The following HIPK2 variants were observed in gnomAD, a reference collection of about 807,000 sequenced individuals.
HIPK2 encodes the protein homeodomain interacting protein kinase 2, also known as homeodomain-interacting protein kinase 2.
A neutral mutation model predicts 113.7 loss-of-function variants in HIPK2; 27 were observed. That is an observed-to-expected ratio of 0.24 (90% confidence interval 0.17 to 0.33). HIPK2 has a LOEUF of 0.33. Ranked by LOEUF, HIPK2 falls within the 10% of genes least tolerant of loss-of-function variation. HIPK2 has a pLI of 1.00. For missense variants in HIPK2, 1,257 were observed against 1,588.0 expected (o/e 0.79, Z 3.54); for synonymous variants, 631 against 642.2 (o/e 0.98, Z 0.26).
intron 12 of HIPK2, among the ~76,000 whole-genome samples, chr7:139,589,747 C>T (rs886802713): frequency 2.0e-5 from 3 of 152,202 alleles, no homozygotes; most frequent in African/African-American, 4.8e-5. Context: ...ACTGAAGAGA[C>T]TGAAGAATCT....
chr7:139,583,939 T>C lies in HIPK2; in HGVS notation c.2843A>G (p.Asn948Ser), dbSNP rs1798752723. 2 of 1,614,042 alleles carry C rather than the reference T, an allele frequency of 1.2e-6. No homozygotes were observed. The highest frequency in any genetic ancestry group is 1.7e-5 in the Admixed American group (1 of 60,028). ...VQQRAGHNNANAFDTKGSLEN... is the reference protein window; with the variant it reads ...VQQRAGHNNASAFDTKGSLEN... ...CAGGCTCCCCTTGGTGTCAAAGGCA[T>C]TGGCATTGTTGTGCCCAGCACGCTG... is the stretch of plus-strand genomic sequence containing the variant. The change falls in exon 13 of 15, where the codon AAT becomes AGT. Residue 948 changes from asparagine (N) to serine (S), a missense_variant. This residue lies in a region of HIPK2 where 862 missense variants were observed against 1,004.3 expected (regional missense o/e 0.86). Coordinates refer to ENST00000406875, the MANE Select transcript of HIPK2 (RefSeq NM_022740.5).
chr7:139,626,374 A>T (rs560846524), intron 6 of HIPK2, among the ~76,000 whole-genome samples: 3 of 152,124 alleles, frequency 2.0e-5, no homozygotes, highest in Admixed American at 2.0e-4. Flanking sequence ...AAGTGCTAGG[A>T]TTACAGGCAT....
At chr7:139,607,196 T>C (rs138848039) in intron 9 of HIPK2, among the ~76,000 whole-genome samples, 125 of 151,854 alleles carry the variant, frequency 8.2e-4, no homozygotes, top group African/African-American at 2.8e-3. Flanking sequence ...ACAGAGGATA[T>C]ATAGGAAATA....
intron 2 of HIPK2, among the ~76,000 whole-genome samples, chr7:139,688,348 C>T (rs1794292549): frequency 6.6e-6 from 1 of 152,242 alleles, no homozygotes; most frequent in South Asian, 2.1e-4. Context: ...CTCCTTACCG[C>T]TCCCCCTAAC....
At chr7:139,726,689 G>A (rs567682671) in intron 1 of HIPK2, among the ~76,000 whole-genome samples, 8 of 152,238 alleles carry the variant, frequency 5.3e-5, no homozygotes, top group Admixed American at 3.3e-4. Context: ...TGTGAATGAC[G>A]ATCACCCACT....
intron 9 of HIPK2, among the ~76,000 whole-genome samples, chr7:139,612,898 C>A (rs2116779482): frequency 6.6e-6 from 1 of 152,270 alleles, no homozygotes; most frequent in East Asian, 1.9e-4. Flanking sequence ...TGCCTTAGGT[C>A]ATAGACAAGT....
At chr7:139,658,735 G>A (rs1471269122) in intron 2 of HIPK2, among the ~76,000 whole-genome samples, 2 of 152,162 alleles carry the variant, frequency 1.3e-5, no homozygotes, top group African/African-American at 4.8e-5. Context: ...TCCTAATTCT[G>A]AGTGCCCTTT....
intron 2 of HIPK2, among the ~76,000 whole-genome samples, chr7:139,632,930 A>C (rs1047985842): frequency 4.0e-5 from 6 of 151,716 alleles, no homozygotes; most frequent in Non-Finnish European, 8.8e-5. Context: ...ACAAACAAAC[A>C]AACAAACAAA....
chr7:139,768,908 A>T (rs1476767706), intron 1 of HIPK2, among the ~76,000 whole-genome samples: 1 of 152,218 alleles, frequency 6.6e-6, no homozygotes, highest in Non-Finnish European at 1.5e-5. Flanking sequence ...CCCAGCACAC[A>T]TAACATTGGA....
At position 139,573,101 on chromosome 7, in the gene HIPK2, G is replaced by A. The variant is rs755787461; in HGVS notation, c.3423C>T (p.Val1141=). Reference sequence around the variant, plus strand: ...GGCCCATGCTCACGGGGACCTGGTGGACGATGCTGGCTGGGTAGGCAGTGT... The same window carrying A: ...GGCCCATGCTCACGGGGACCTGGTGAACGATGCTGGCTGGGTAGGCAGTGT... The part of the protein sequence containing the change: ...VQHTAYPASI[V]HQVPVSMGPR... The change falls in exon 15 of 15, where the codon GTC becomes GTT. Residue 1141 remains valine, a synonymous_variant. Transcript: ENST00000406875. 1 of 1,612,072 alleles carries A rather than the reference G, an allele frequency of 6.2e-7. No individual in the cohort carries two copies. The highest frequency in any genetic ancestry group is 1.1e-5 in the South Asian group (1 of 90,780).
At chr7:139,618,225 C>T (rs1459741989) in intron 7 of HIPK2, among the ~76,000 whole-genome samples, 1 of 152,152 alleles carries the variant, frequency 6.6e-6, no homozygotes, top group Non-Finnish European at 1.5e-5. Flanking sequence ...TTAGTAAAGC[C>T]TGGCACATAA....
intron 2 of HIPK2, among the ~76,000 whole-genome samples, chr7:139,662,295 T>C (rs1488481692): frequency 6.6e-6 from 1 of 152,264 alleles, no homozygotes; most frequent in Admixed American, 6.5e-5. Flanking sequence ...AAATTTAGAA[T>C]GTACTTTTAG....
chr7:139,633,204 A>AAGAGATGGT (rs908528135), intron 2 of HIPK2, among the ~76,000 whole-genome samples: 29 of 151,722 alleles, frequency 1.9e-4, no homozygotes, highest in African/African-American at 6.8e-4. Context: ...CCACTTCACT[A>AAGAGATGGT]AGAGATGGTA....
At chr7:139,776,715 G>A (rs1796763797) in intron 1 of HIPK2, among the ~76,000 whole-genome samples, 1 of 152,128 alleles carries the variant, frequency 6.6e-6, no homozygotes, top group South Asian at 2.1e-4. Flanking sequence ...ACACACTTGG[G>A]TTTAAAATTT....
intron 1 of HIPK2, among the ~76,000 whole-genome samples, chr7:139,740,489 T>C (rs1047256925): frequency 5.3e-5 from 8 of 152,198 alleles, no homozygotes; most frequent in South Asian, 4.1e-4. Context: ...CTGTCTGTGC[T>C]CCTGGTCAAA....
chr7:139,594,687 T>C (rs1256656030), intron 12 of HIPK2, among the ~76,000 whole-genome samples: 1 of 152,158 alleles, frequency 6.6e-6, no homozygotes, highest in Non-Finnish European at 1.5e-5. Flanking sequence ...CTGAAGCCTT[T>C]TGGATGACTC....
chr7:139,669,771 A>G (rs970589595), intron 2 of HIPK2, among the ~76,000 whole-genome samples: 2 of 152,256 alleles, frequency 1.3e-5, no homozygotes, highest in Non-Finnish European at 2.9e-5. Flanking sequence ...TCATGGAATA[A>G]AAAGATTACA....
chr7:139,633,095 C>CAAAAAAAAAAAAAAAAAAAAAA (rs942820284), intron 2 of HIPK2, among the ~76,000 whole-genome samples: 18 of 74,638 alleles, frequency 2.4e-4, no homozygotes, highest in African/African-American at 7.6e-4. Flanking sequence ...GACCCTGTCT[C>CAAAAAAAAAAAAAAAAAAAAAA]AAAAAAAAAA....
intron 1 of HIPK2, among the ~76,000 whole-genome samples, chr7:139,721,583 A>G (rs1299139809): frequency 6.6e-6 from 1 of 152,246 alleles, no homozygotes; most frequent in Non-Finnish European, 1.5e-5. Context: ...GGACTAGTCA[A>G]GGCTACTTCC....
Sources: allele counts gnomAD v4.1 joint callset (sites outside exome capture counted in the v4.1 genomes callset), GRCh38; gene constraint gnomAD v4.1.1; regional missense constraint gnomAD v4.1.1; transcripts MANE v1.5; gene names NCBI Gene and HGNC (gene_info 2026-07-23, HGNC 2026-07-21).